The following LRRTM4 variants were observed in gnomAD, a reference collection of about 807,000 sequenced individuals.
The protein encoded by LRRTM4 is leucine-rich repeat transmembrane neuronal protein 4.
In LRRTM4, 25 loss-of-function variants were observed where a neutral mutation model predicts 47.6. That is an observed-to-expected ratio of 0.53 (90% CI 0.38 to 0.73). The LOEUF (loss-of-function observed/expected upper bound fraction) is 0.73. Ranked by LOEUF, LRRTM4 falls within the 30% of genes least tolerant of loss-of-function variation. LRRTM4 has a pLI of 0.00. For missense variants in LRRTM4, 638 were observed against 713.4 expected, an observed-to-expected ratio of 0.89 and a Z score of 1.20; for synonymous variants, 311 against 269.5, an observed-to-expected ratio of 1.15 and a Z score of -1.51.
At chr2:77,478,594 G>T (rs183672689) in intron 3 of LRRTM4, among the ~76,000 whole-genome samples, 48 of 152,234 alleles carry the variant, frequency 3.2e-4, no homozygotes, top group African/African-American at 1.1e-3. Flanking sequence ...GCTCCTGTTG[G>T]TTGAGAAATA....
chr2:76,812,680 T>TTTCC (rs1363160198), intron 3 of LRRTM4, among the ~76,000 whole-genome samples: 1 of 149,566 alleles, frequency 6.7e-6, no homozygotes, highest in Non-Finnish European at 1.5e-5. Flanking sequence ...AAGCTCTTTC[T>TTTCC]TTCTTTCTTT....
chr2:77,100,143 T>C (rs1249735387), intron 3 of LRRTM4, among the ~76,000 whole-genome samples: 3 of 152,196 alleles, frequency 2.0e-5, no homozygotes, highest in Admixed American at 2.0e-4. Context: ...TCCACTGTTT[T>C]GTCACATTTG....
At chr2:77,437,167 C>G (rs149761856) in intron 3 of LRRTM4, among the ~76,000 whole-genome samples, 2 of 151,810 alleles carry the variant, frequency 1.3e-5, no homozygotes, top group Non-Finnish European at 2.9e-5. Flanking sequence ...CTAAATTTGA[C>G]GATTTTTATG....
At chr2:77,196,700 C>T (rs1314717937) in intron 3 of LRRTM4, among the ~76,000 whole-genome samples, 1 of 152,070 alleles carries the variant, frequency 6.6e-6, no homozygotes, top group Non-Finnish European at 1.5e-5. Context: ...GAGAACGTGC[C>T]ACTGCAATCC....
chr2:77,008,766 T>C (rs1406474643), intron 3 of LRRTM4, among the ~76,000 whole-genome samples: 1 of 152,094 alleles, frequency 6.6e-6, no homozygotes, highest in East Asian at 1.9e-4. Flanking sequence ...GTACCATTTT[T>C]ATAATTGTTT....
chr2:77,089,597 C>T (rs1274815539), intron 3 of LRRTM4, among the ~76,000 whole-genome samples: 1 of 151,824 alleles, frequency 6.6e-6, no homozygotes, highest in Admixed American at 6.6e-5. Flanking sequence ...CTCTGTTTCT[C>T]TACTCTCTCT....
intron 3 of LRRTM4, among the ~76,000 whole-genome samples, chr2:77,101,888 G>A (rs1019021630): frequency 5.3e-5 from 8 of 151,336 alleles, no homozygotes; most frequent in East Asian, 1.9e-4. Context: ...CCAGTTTTTC[G>A]TAAGCCTGTC....
chr2:76,834,019 A>T (rs56265939), intron 3 of LRRTM4, among the ~76,000 whole-genome samples: 14 of 140,538 alleles, frequency 1.0e-4, no homozygotes, highest in Middle Eastern at 3.3e-3. Flanking sequence ...TCATTTATTT[A>T]TTATTTATTT....
At chr2:77,062,182 CATT>C (rs1164575367) in intron 3 of LRRTM4, among the ~76,000 whole-genome samples, 8 of 152,092 alleles carry the variant, frequency 5.3e-5, no homozygotes, top group African/African-American at 1.9e-4. Context: ...TGCATATTTA[CATT>C]ATTGGACACT....
chr2:76,840,634 T>G (rs78374661), intron 3 of LRRTM4, among the ~76,000 whole-genome samples: 1 of 152,220 alleles, frequency 6.6e-6, no homozygotes, highest in Non-Finnish European at 1.5e-5. Flanking sequence ...TGCTTGAGTT[T>G]CACAGCTGCC....
chr2:77,449,535 T>G (rs2103948191), intron 3 of LRRTM4, among the ~76,000 whole-genome samples: 1 of 152,266 alleles, frequency 6.6e-6, no homozygotes, highest in Non-Finnish European at 1.5e-5. Flanking sequence ...TTATAGAAAC[T>G]AAAAGTACCA....
intron 3 of LRRTM4, among the ~76,000 whole-genome samples, chr2:76,821,112 A>C (rs1416966667): frequency 6.6e-6 from 1 of 151,738 alleles, no homozygotes; most frequent in Non-Finnish European, 1.5e-5. Flanking sequence ...TAAGAGGGAG[A>C]GTGCTTTTGA....
At chr2:77,377,906 A>T (rs1035265269) in intron 3 of LRRTM4, among the ~76,000 whole-genome samples, 1 of 152,000 alleles carries the variant, frequency 6.6e-6, no homozygotes, top group Admixed American at 6.6e-5. Context: ...TGAATTTCTT[A>T]AAAAAATCAA....
intron 3 of LRRTM4, among the ~76,000 whole-genome samples, chr2:77,196,818 T>C (rs190510658): frequency 2.7e-3 from 413 of 152,320 alleles, no homozygotes; most frequent in Non-Finnish European, 4.8e-3. Flanking sequence ...TAATTGTGTT[T>C]AGTACCAAGA....
At position 77,142,933 on chromosome 2, in the gene LRRTM4, G is replaced by C. The variant is rs188226535; in HGVS notation, c.1551+375385C>G. Reference sequence around the variant, plus strand: ...GTGACAAAGCCATGTATGAATCTAAGTTTTTAGTTCAGGGAGTTGTGCTTC... The same window carrying C: ...GTGACAAAGCCATGTATGAATCTAACTTTTTAGTTCAGGGAGTTGTGCTTC... On this transcript the variant is annotated intron_variant, in intron 3 of 3. Coordinates refer to ENST00000409884, the MANE Select transcript of LRRTM4 (RefSeq NM_001134745.3). Among the ~76,000 whole-genome samples, 111 of 152,238 alleles carry C rather than the reference G, an allele frequency of 7.3e-4. 1 individual carries two copies. Among genetic ancestry groups the C allele is most frequent in the African/African-American group, 2.6e-3 (106 of 41,566 alleles).
At chr2:77,062,614 C>G (rs1176996302) in intron 3 of LRRTM4, among the ~76,000 whole-genome samples, 2 of 152,118 alleles carry the variant, frequency 1.3e-5, no homozygotes, top group African/African-American at 2.4e-5. Context: ...CTTTAAAACC[C>G]TAGAATAGAG....
chr2:77,510,237 CAGTT>C (rs1678930983), intron 3 of LRRTM4, among the ~76,000 whole-genome samples: 1 of 151,994 alleles, frequency 6.6e-6, no homozygotes, highest in Admixed American at 6.6e-5. Flanking sequence ...TAATATGAGT[CAGTT>C]AAAGGAAACA....
chr2:77,363,692 A>C (rs1039294083), intron 3 of LRRTM4, among the ~76,000 whole-genome samples: 1 of 152,212 alleles, frequency 6.6e-6, no homozygotes, highest in Admixed American at 6.5e-5. Context: ...CTTTCTCATT[A>C]TCATGAAGTC....
chr2:76,785,166 G>C (rs1041165601), intron 3 of LRRTM4, among the ~76,000 whole-genome samples: 1 of 152,040 alleles, frequency 6.6e-6, no homozygotes, highest in Non-Finnish European at 1.5e-5. Context: ...CTGCTATTGT[G>C]TTTGTATTGG....
Sources: gnomAD v4.1 joint callset for allele counts (sites outside exome capture counted in the v4.1 genomes callset) on GRCh38, gnomAD v4.1.1 for gene constraint, MANE v1.5 for transcripts, NCBI Gene and HGNC (gene_info 2026-07-23, HGNC 2026-07-21) for gene names.